Variants in ADAMTS18 observed in about 807,000 individuals in gnomAD.
ADAMTS18 encodes the protein A disintegrin and metalloproteinase with thrombospondin motifs 18.
ADAMTS18 carries 157 observed loss-of-function variants against 165.9 expected under a neutral mutation model. That is an observed-to-expected ratio of 0.95 (90% CI 0.83 to 1.08). The LOEUF (loss-of-function observed/expected upper bound fraction) is 1.08, where lower values mean the gene tolerates loss of function less well. ADAMTS18 is among the 50% of genes least tolerant of loss of function. The probability of loss-of-function intolerance (pLI) is 0.00; values close to 1 mark genes in which losing one functional copy is unlikely to be tolerated. For synonymous variants in ADAMTS18, 782 were observed against 578.2 expected, an observed-to-expected ratio of 1.35 and a Z score of -5.06; for missense variants, 2,040 against 1,534.0, an observed-to-expected ratio of 1.33 and a Z score of -5.51.
chr16:77,325,953 C>G lies in ADAMTS18; in HGVS notation c.1945G>C (p.Asp649His), dbSNP rs773354865. The change falls in exon 13 of 23, where the codon GAT becomes CAT. Residue 649 changes from aspartate to histidine, a missense_variant. Coordinates refer to ENST00000282849, the MANE Select transcript of ADAMTS18 (RefSeq NM_199355.4). ...NINPCNENSL[D>H]FRAQQCAEYN... ...TCTGCACACTGTTGAGCCCGAAAAT[C>G]CAAGCTATTTTCATTGCAAGGGTTA... 1 of 1,614,052 alleles carries G rather than the reference C, an allele frequency of 6.2e-7. No homozygotes were observed. The highest frequency in any genetic ancestry group is 1.1e-5 in the South Asian group (1 of 91,084).
Position 77,282,474 on chromosome 16 carries a change from A to T in ADAMTS18, c.*1482T>A, listed in dbSNP as rs923675519. ...CCTAAGCATTATTTCTCTGGGATTC[A>T]AGAACTCATGACTTTAATTAGAATG... On this transcript the variant is annotated 3_prime_UTR_variant, in exon 23 of 23. Coordinates refer to ENST00000282849, the MANE Select transcript of ADAMTS18 (RefSeq NM_199355.4). 6.6e-6 allele frequency: 1 copy of T among 152,506 alleles called. No homozygotes were observed. Among genetic ancestry groups the T allele is most frequent in the Non-Finnish European group, 1.5e-5 (1 of 68,030 alleles). 9.4% of individuals were successfully genotyped at this position (152,506 alleles called of 1,614,324 possible). A position where few individuals can be genotyped will look rare whatever the true frequency, so the allele number is the denominator to read the frequency against.
chr16:77,342,342 A>C (rs2056411093), intron 10 of ADAMTS18, among the ~76,000 whole-genome samples: 1 of 152,224 alleles, frequency 6.6e-6, no homozygotes, highest in Non-Finnish European at 1.5e-5. Flanking sequence ...GTTCTCAAAA[A>C]TACTGCCTAT....
In ADAMTS18 at chr16:77,427,781, G is replaced by C. The variant is rs575666885; in HGVS notation, c.495+3514C>G. Among the ~76,000 whole-genome samples, 30 of 152,336 alleles carry C rather than the reference G, an allele frequency of 2.0e-4. No individual in the cohort carries two copies. In the South Asian group the frequency reaches 5.8e-3, roughly 29 times the overall value. On this transcript the variant is annotated intron_variant, in intron 3 of 22. Coordinates refer to ENST00000282849, the MANE Select transcript of ADAMTS18 (RefSeq NM_199355.4). ...AATTCTGGAATAAAGGGAGACCTGTGAGTTGGCAGGGGAGGTGGGTGCATT... is the reference window on the plus strand; with the variant it reads ...AATTCTGGAATAAAGGGAGACCTGTCAGTTGGCAGGGGAGGTGGGTGCATT...
chr16:77,285,043 A>G (rs530025763), intron 22 of ADAMTS18, among the ~76,000 whole-genome samples: 2 of 152,338 alleles, frequency 1.3e-5, no homozygotes, highest in South Asian at 2.1e-4. Context: ...TAGTTGTTCA[A>G]TGAGCAGGAC....
At chr16:77,399,301 G>C (rs2057297116) in intron 3 of ADAMTS18, among the ~76,000 whole-genome samples, 1 of 152,178 alleles carries the variant, frequency 6.6e-6, no homozygotes, top group South Asian at 2.1e-4. Context: ...AAGCAGACAA[G>C]GAGGAAAGTA....
chr16:77,297,339 G>C lies in ADAMTS18; in HGVS notation c.2751C>G (p.Thr917=). The C allele has an allele frequency of 6.2e-7, 1 of 1,614,084 alleles. No individual in the cohort carries two copies. Among genetic ancestry groups the C allele is most frequent in the Non-Finnish European group, 8.5e-7 (1 of 1,179,982 alleles). Residue 917 remains threonine (T), a synonymous_variant, in exon 18 of 23, where the codon ACC becomes ACG. Transcript: ENST00000282849. ...QVNSSFCSAK[T]KPVTEPKICN... ...AGATTTTGGGCTCAGTTACTGGCTT[G>C]GTTTTTGCACTGCAGAATGAGGAAT...
intron 3 of ADAMTS18, among the ~76,000 whole-genome samples, chr16:77,400,430 G>C (rs920108748): frequency 5.3e-5 from 4 of 76,086 alleles, no homozygotes; most frequent in Non-Finnish European, 1.4e-4. Flanking sequence ...GGAATTGTGT[G>C]TGTGTGTGTG....
chr16:77,333,906 TAGTGTCC>T (rs2056233036), intron 12 of ADAMTS18, among the ~76,000 whole-genome samples: 4 of 145,358 alleles, frequency 2.8e-5, no homozygotes, highest in African/African-American at 1.0e-4. Flanking sequence ...GTATAATATA[TAGTGTCC>T]TATATACTAA....
chr16:77,424,049 GA>G (rs2057639380), intron 3 of ADAMTS18, among the ~76,000 whole-genome samples: 1 of 152,118 alleles, frequency 6.6e-6, no homozygotes, highest in Non-Finnish European at 1.5e-5. Context: ...ACAATCTTAT[GA>G]GAGAAAAAGA....
At chr16:77,334,249 TTACA>T (rs1239079332) in intron 12 of ADAMTS18, among the ~76,000 whole-genome samples, 1 of 74,282 alleles carries the variant, frequency 1.3e-5, no homozygotes, top group Non-Finnish European at 2.4e-5. Flanking sequence ...GTGTTATATA[TTACA>T]TATAATATAT....
intron 22 of ADAMTS18, among the ~76,000 whole-genome samples, chr16:77,286,487 CTTCT>C (rs1567451438): frequency 6.6e-6 from 1 of 152,126 alleles, no homozygotes; most frequent in Non-Finnish European, 1.5e-5. Flanking sequence ...ATGGAATTAC[CTTCT>C]TTAATACTCA....
chr16:77,401,240 C>G (rs562339988), intron 3 of ADAMTS18, among the ~76,000 whole-genome samples: 3 of 152,156 alleles, frequency 2.0e-5, no homozygotes, highest in Admixed American at 2.0e-4. Context: ...GGCAAAACAG[C>G]TAAACTCCAT....
At chr16:77,417,088 G>A (rs536387303) in intron 3 of ADAMTS18, among the ~76,000 whole-genome samples, 4 of 152,244 alleles carry the variant, frequency 2.6e-5, no homozygotes, top group East Asian at 1.9e-4. Flanking sequence ...TACCTTAACT[G>A]TAATATTAAT....
intron 3 of ADAMTS18, among the ~76,000 whole-genome samples, chr16:77,393,453 T>G (rs12373087): frequency 0.17 from 25,479 of 152,136 alleles, 2,320 homozygotes; most frequent in East Asian, 0.24. Context: ...ATCTGAATGT[T>G]TGTATCACTC....
At position 77,289,338 on chromosome 16, in the gene ADAMTS18, C is replaced by G. The variant is rs3743749; in HGVS notation, c.3476G>C (p.Ser1159Thr). The G allele has an allele frequency of 0.15, 236,476 of 1,613,908 alleles. 18,015 individuals carry two copies. The highest frequency in any genetic ancestry group is 0.2 in the East Asian group (9,176 of 44,846). ...HCVQQGRPSS[S>T]CLLHQKPPVL... The stretch of plus-strand genomic sequence containing the variant: ...CGGAGGTTTCTGATGGAGCAGACAA[C>G]TTGAGGAAGGCCGGCCTTGCTGAAC... Residue 1159 changes from serine (S) to threonine (T), a missense_variant, in exon 22 of 23, where the codon AGT (serine) becomes ACT (threonine). Ser to Thr is a moderately conservative substitution (Grantham distance 58). Transcript: ENST00000282849.
intron 4 of ADAMTS18, 124 bp downstream of exon 4, chr16:77,367,317 T>C: frequency 1.9e-6 from 2 of 1,057,104 alleles, no homozygotes; most frequent in Non-Finnish European, 2.9e-6. Flanking sequence ...TTACTGGTCC[T>C]ACACCAAGAC....
At chr16:77,426,983 A>T (rs2057681597) in intron 3 of ADAMTS18, among the ~76,000 whole-genome samples, 1 of 152,180 alleles carries the variant, frequency 6.6e-6, no homozygotes, top group South Asian at 2.1e-4. Context: ...CACTGTACTC[A>T]AGCCCAGATG....
At chr16:77,307,151 C>T (rs2055696531) in intron 16 of ADAMTS18, among the ~76,000 whole-genome samples, 1 of 152,186 alleles carries the variant, frequency 6.6e-6, no homozygotes, top group East Asian at 1.9e-4. Flanking sequence ...ATTGTTTTAA[C>T]AACTGAAATA....
chr16:77,373,499 A>G (rs558357730), intron 3 of ADAMTS18, among the ~76,000 whole-genome samples: 12 of 152,126 alleles, frequency 7.9e-5, no homozygotes, highest in African/African-American at 2.6e-4. Context: ...GAAAAGAAAA[A>G]AAAGTTATCC....
Sources: allele counts gnomAD v4.1 joint callset (sites outside exome capture counted in the v4.1 genomes callset), GRCh38; gene constraint gnomAD v4.1.1; transcripts MANE v1.5; gene names NCBI Gene and HGNC (gene_info 2026-07-23, HGNC 2026-07-21).